HDAC9: variants seen among roughly 807,000 people sequenced by gnomAD.
HDAC9 encodes the protein MEF-2 interacting transcription repressor (MITR) protein.
Under a neutral mutation model 139.4 loss-of-function variants are expected in HDAC9, and 41 were observed. That is an observed-to-expected ratio of 0.29 (90% confidence interval 0.23 to 0.38). The LOEUF (loss-of-function observed/expected upper bound fraction) is 0.38, where lower values mean the gene tolerates loss of function less well. Ranked by LOEUF, HDAC9 falls within the 10% of genes least tolerant of loss-of-function variation. HDAC9 has a pLI of 1.00. For synonymous variants in HDAC9, 517 were observed against 476.2 expected, an observed-to-expected ratio of 1.09 and a Z score of -1.12; for missense variants, 1,147 against 1,297.0, an observed-to-expected ratio of 0.88 and a Z score of 1.78.
At chr7:18,991,737 T>C (rs1785989902) in intron 25 of HDAC9, among the ~76,000 whole-genome samples, 1 of 152,254 alleles carries the variant, frequency 6.6e-6, no homozygotes, top group South Asian at 2.1e-4. Context: ...TACTTTAGCT[T>C]TTGTGGCTTA....
chr7:18,213,954 C>A (rs1007150332), intron 2 of HDAC9, among the ~76,000 whole-genome samples: 39 of 152,014 alleles, frequency 2.6e-4, no homozygotes, highest in Admixed American at 4.6e-4. Flanking sequence ...TGTTTTTTTC[C>A]TTCCCCAGTT....
At chr7:18,268,671 A>G (rs898019093) in intron 2 of HDAC9, among the ~76,000 whole-genome samples, 1 of 152,186 alleles carries the variant, frequency 6.6e-6, no homozygotes, top group Non-Finnish European at 1.5e-5. Context: ...AGTATTCATT[A>G]CACTGATTAA....
chr7:18,900,041 C>T (rs1340915355), intron 22 of HDAC9, among the ~76,000 whole-genome samples: 1 of 151,916 alleles, frequency 6.6e-6, no homozygotes, highest in Non-Finnish European at 1.5e-5. Flanking sequence ...ATGAACTGGT[C>T]ACACGATATA....
chr7:18,847,235 C>T (rs1796968985), intron 21 of HDAC9, among the ~76,000 whole-genome samples: 1 of 152,132 alleles, frequency 6.6e-6, no homozygotes, highest in African/African-American at 2.4e-5. Flanking sequence ...GATCATTTAC[C>T]AGTGTTGAAT....
intron 2 of HDAC9, among the ~76,000 whole-genome samples, chr7:18,538,738 A>G (rs1232222911): frequency 6.6e-6 from 1 of 152,228 alleles, no homozygotes. Flanking sequence ...AGTATAGGAA[A>G]GTGAAAATTG....
upstream of HDAC9, chr7:18,290,229 C>A: frequency 3.3e-6 from 1 of 301,408 alleles, no homozygotes. Flanking sequence ...CATTAACTCT[C>A]TCATGCCTGC....
intron 2 of HDAC9, among the ~76,000 whole-genome samples, chr7:18,257,031 G>A (rs1795292056): frequency 6.6e-6 from 1 of 152,000 alleles, no homozygotes; most frequent in Non-Finnish European, 1.5e-5. Context: ...TGAAGCTAGA[G>A]TGAACCGTGA....
chr7:18,095,354 A>AT (rs145379138), intron 1 of HDAC9, among the ~76,000 whole-genome samples: 14,011 of 152,256 alleles, frequency 0.092, 893 homozygotes, highest in Non-Finnish European at 0.14. Flanking sequence ...AGGCTACTGT[A>AT]TTAGGAAAGT....
At chr7:18,970,000 G>A (rs78311920) in intron 24 of HDAC9, among the ~76,000 whole-genome samples, 18,722 of 152,084 alleles carry the variant, frequency 0.12, 1,227 homozygotes, top group Middle Eastern at 0.19. Flanking sequence ...AAATTGTTCT[G>A]AGCTTACCAG....
At chr7:18,802,631 A>C (rs531959751) in intron 17 of HDAC9, among the ~76,000 whole-genome samples, 9 of 151,498 alleles carry the variant, frequency 5.9e-5, no homozygotes, top group Non-Finnish European at 1.0e-4. Flanking sequence ...ATCATGATAG[A>C]TTTTTTTATC....
At chr7:18,687,885 C>T (rs1331006890) in intron 12 of HDAC9, among the ~76,000 whole-genome samples, 1 of 151,668 alleles carries the variant, frequency 6.6e-6, no homozygotes, top group East Asian at 1.9e-4. Context: ...TTAGTCTTTA[C>T]CCAATAAATT....
At chr7:18,310,591 C>T (rs1006515244) in intron 1 of HDAC9, among the ~76,000 whole-genome samples, 5 of 152,130 alleles carry the variant, frequency 3.3e-5, no homozygotes, top group African/African-American at 4.8e-5. Flanking sequence ...TCCTGATACT[C>T]GCACTGTGCA....
chr7:18,136,536 C>T (rs1029953163), intron 1 of HDAC9, among the ~76,000 whole-genome samples: 22 of 152,170 alleles, frequency 1.4e-4, no homozygotes, highest in African/African-American at 5.3e-4. Flanking sequence ...AGCCAATTTT[C>T]CCAACACCAT....
intron 1 of HDAC9, among the ~76,000 whole-genome samples, chr7:18,381,986 C>T (rs1196037141): frequency 1.3e-5 from 2 of 151,892 alleles, no homozygotes; most frequent in Admixed American, 6.6e-5. Flanking sequence ...TTTTTCTAAA[C>T]GTAGTAATAA....
At chr7:18,659,076 A>G (rs576396159) in intron 11 of HDAC9, among the ~76,000 whole-genome samples, 1 of 152,268 alleles carries the variant, frequency 6.6e-6, no homozygotes, top group South Asian at 2.1e-4. Context: ...ACAATGTCAG[A>G]AAATCAGATG....
At chr7:18,943,649 A>C (rs1782173440) in intron 23 of HDAC9, among the ~76,000 whole-genome samples, 1 of 152,098 alleles carries the variant, frequency 6.6e-6, no homozygotes, top group African/African-American at 2.4e-5. Context: ...GACAAAACTC[A>C]GTTAATAGAA....
intron 1 of HDAC9, among the ~76,000 whole-genome samples, chr7:18,374,107 C>G (rs1001509742): frequency 4.6e-5 from 7 of 150,874 alleles, no homozygotes. Context: ...CTAAATCATA[C>G]TATGCATATA....
chr7:18,474,825 G>A (rs1242684928), intron 1 of HDAC9, among the ~76,000 whole-genome samples: 1 of 152,058 alleles, frequency 6.6e-6, no homozygotes, highest in Admixed American at 6.6e-5. Context: ...AGTATGGAAG[G>A]AAGAAAGAGA....
exon 2 of HDAC9, chr7:18,162,244 A>T (rs183802912): frequency 3.1e-6 from 4 of 1,294,204 alleles, no homozygotes; most frequent in African/African-American, 2.9e-5. Context: ...TCCTCTGCCA[A>T]CCCCTCCTGG....
Sources: gnomAD v4.1 joint callset for allele counts (sites outside exome capture counted in the v4.1 genomes callset) on GRCh38, gnomAD v4.1.1 for gene constraint, MANE v1.5 for transcripts, NCBI Gene and HGNC (gene_info 2026-07-23, HGNC 2026-07-21) for gene names.